The following PRKCE variants were observed in gnomAD, a reference collection of about 807,000 sequenced individuals.
The protein encoded by PRKCE is protein kinase C epsilon.
PRKCE carries 16 observed loss-of-function variants against 85.4 expected under a neutral mutation model. That is an observed-to-expected ratio of 0.19 (90% CI 0.13 to 0.28). PRKCE has a LOEUF of 0.28. Among genes scored for constraint, PRKCE ranks in the 10% least tolerant of loss-of-function variants. The pLI is 1.00. For missense variants in PRKCE, 573 were observed against 975.2 expected (o/e 0.59, Z 5.49); for synonymous variants, 388 against 371.5 (o/e 1.04, Z -0.51).
intron 2 of PRKCE, among the ~76,000 whole-genome samples, chr2:45,975,549 T>C (rs942171286): frequency 1.3e-5 from 2 of 152,150 alleles, no homozygotes; most frequent in Non-Finnish European, 2.9e-5. Flanking sequence ...CTAAACCTAA[T>C]TACCTCCCAA....
intron 11 of PRKCE, among the ~76,000 whole-genome samples, chr2:46,099,670 T>C (rs1311254403): frequency 6.6e-6 from 1 of 152,166 alleles, no homozygotes; most frequent in Non-Finnish European, 1.5e-5. Flanking sequence ...AACTATTTCT[T>C]GGTTGACTGA....
chr2:45,777,904 G>T (rs1413906408), intron 1 of PRKCE, among the ~76,000 whole-genome samples: 2 of 152,110 alleles, frequency 1.3e-5, no homozygotes, highest in Non-Finnish European at 2.9e-5. Context: ...CCACACCAAA[G>T]GTTCTTGAGA....
At chr2:46,104,856 C>A (rs1671569147) in intron 11 of PRKCE, among the ~76,000 whole-genome samples, 1 of 152,066 alleles carries the variant, frequency 6.6e-6, no homozygotes, top group Non-Finnish European at 1.5e-5. Flanking sequence ...TTATCTTTTC[C>A]CTTCAAGGCT....
chr2:46,093,064 C>T (rs747053927), intron 11 of PRKCE, among the ~76,000 whole-genome samples: 9 of 152,162 alleles, frequency 5.9e-5, no homozygotes, highest in Non-Finnish European at 1.2e-4. Flanking sequence ...ACTTGGGGAT[C>T]GTTTTCCCCA....
intron 2 of PRKCE, among the ~76,000 whole-genome samples, chr2:45,947,990 G>C (rs1022312266): frequency 2.0e-5 from 3 of 152,194 alleles, no homozygotes; most frequent in Admixed American, 2.0e-4. Flanking sequence ...TAATAAGACT[G>C]ACCTGCCACC....
intron 1 of PRKCE, among the ~76,000 whole-genome samples, chr2:45,817,931 T>C (rs894786461): frequency 6.6e-6 from 1 of 152,178 alleles, no homozygotes; most frequent in African/African-American, 2.4e-5. Context: ...AGGCCGAGTT[T>C]CCTCCAGCTT....
chr2:45,867,150 T>C (rs1264877973), intron 2 of PRKCE, among the ~76,000 whole-genome samples: 3 of 152,166 alleles, frequency 2.0e-5, no homozygotes, highest in Non-Finnish European at 4.4e-5. Context: ...CCTGCTTGCC[T>C]CTCAGACGTG....
intron 1 of PRKCE, among the ~76,000 whole-genome samples, chr2:45,790,346 G>A (rs372796311): frequency 2.0e-5 from 3 of 152,334 alleles, no homozygotes; most frequent in East Asian, 1.9e-4. Context: ...GTGGCAGCAC[G>A]TGGGAAAACT....
At chr2:45,986,313 G>T (rs1703319137) in intron 6 of PRKCE, among the ~76,000 whole-genome samples, 1 of 152,188 alleles carries the variant, frequency 6.6e-6, no homozygotes, top group Non-Finnish European at 1.5e-5. Flanking sequence ...GCTAATAGAG[G>T]GAGATGTTTT....
At chr2:45,748,401 G>A (rs1354680840) in intron 1 of PRKCE, among the ~76,000 whole-genome samples, 3 of 152,230 alleles carry the variant, frequency 2.0e-5, no homozygotes, top group Admixed American at 6.5e-5. Context: ...TTCAGGCTGC[G>A]TGAGAGAGCG....
chr2:45,813,455 G>T (rs1688795928), intron 1 of PRKCE, among the ~76,000 whole-genome samples: 1 of 152,216 alleles, frequency 6.6e-6, no homozygotes, highest in Non-Finnish European at 1.5e-5. Context: ...GAGGAGACAG[G>T]AGTGCAGACG....
intron 1 of PRKCE, among the ~76,000 whole-genome samples, chr2:45,720,428 G>C (rs1300104129): frequency 6.6e-6 from 1 of 152,114 alleles, no homozygotes; most frequent in African/African-American, 2.4e-5. Context: ...CTGTGAGCGA[G>C]TGAGAGGAAC....
intron 5 of PRKCE, among the ~76,000 whole-genome samples, chr2:45,982,348 G>A (rs1702958840): frequency 6.6e-6 from 1 of 152,194 alleles, no homozygotes; most frequent in Non-Finnish European, 1.5e-5. Context: ...AACACATGTA[G>A]CCCTAAACAC....
intron 2 of PRKCE, among the ~76,000 whole-genome samples, chr2:45,871,526 A>G (rs951313339): frequency 6.6e-6 from 1 of 152,266 alleles, no homozygotes. Flanking sequence ...CAATAAAAAT[A>G]TCTTCAGAAG....
At chr2:45,891,753 T>A (rs1695737637) in intron 2 of PRKCE, among the ~76,000 whole-genome samples, 1 of 152,214 alleles carries the variant, frequency 6.6e-6, no homozygotes, top group Non-Finnish European at 1.5e-5. Flanking sequence ...CTGCTTCCTC[T>A]CCCTTCTTCT....
intron 10 of PRKCE, among the ~76,000 whole-genome samples, chr2:46,064,296 A>G (rs59617651): frequency 4.4e-5 from 6 of 136,064 alleles, no homozygotes; most frequent in East Asian, 2.0e-4. Context: ...AAAAAAAAAA[A>G]AAAAAAGAAA....
At chr2:46,127,884 T>G (rs932904677) in intron 11 of PRKCE, among the ~76,000 whole-genome samples, 2 of 152,238 alleles carry the variant, frequency 1.3e-5, no homozygotes, top group South Asian at 4.1e-4. Flanking sequence ...ACCACAGCTG[T>G]GTTTCTCAGA....
chr2:46,153,757 C>T (rs907877813), intron 13 of PRKCE, among the ~76,000 whole-genome samples: 3 of 149,880 alleles, frequency 2.0e-5, no homozygotes, highest in Non-Finnish European at 3.0e-5. Context: ...TCCTCTTCTT[C>T]CTCCTCTTCC....
intron 10 of PRKCE, among the ~76,000 whole-genome samples, chr2:46,070,043 G>A (rs1213433328): frequency 2.0e-5 from 3 of 152,194 alleles, no homozygotes; most frequent in East Asian, 3.8e-4. Flanking sequence ...TTCCTGCTCA[G>A]AGGACCTCTT....
Sources: gnomAD v4.1 joint callset for allele counts (sites outside exome capture counted in the v4.1 genomes callset) on GRCh38, gnomAD v4.1.1 for gene constraint, MANE v1.5 for transcripts, NCBI Gene and HGNC (gene_info 2026-07-23, HGNC 2026-07-21) for gene names.